Variants in RUFY3 observed in about 807,000 individuals in gnomAD.
RUFY3 encodes RUN and FYVE domain containing 3, also known as protein RUFY3.
RUFY3 carries 34 observed loss-of-function variants against 84.0 expected under a neutral mutation model. The ratio of observed to expected loss-of-function variants is 0.40; its 90% CI spans 0.31 to 0.54. RUFY3 has a LOEUF of 0.54. Among genes scored for constraint, RUFY3 ranks in the 20% least tolerant of loss-of-function variants. RUFY3 has a pLI of 0.39. For synonymous variants in RUFY3, 242 were observed against 252.9 expected (o/e 0.96, Z 0.41); for missense variants, 507 against 736.8 (o/e 0.69, Z 3.61).
chr4:70,786,753 T>TA (rs1259753716), intron 10 of RUFY3, among the ~76,000 whole-genome samples: 6 of 152,144 alleles, frequency 3.9e-5, no homozygotes, highest in Admixed American at 1.3e-4. Flanking sequence ...GCTAGTGTTA[T>TA]TATATTAATA....
rs59880902 is a variant in RUFY3, at chr4:70,722,414, CTTTT to C, written c.-149_-146del. The C allele has an allele frequency of 1.5e-5, 18 of 1,228,678 alleles. No homozygotes were observed. The highest frequency in any genetic ancestry group is 2.9e-5 in the East Asian group (1 of 34,894). 76.1% of individuals were successfully genotyped at this position (1,228,678 alleles called of 1,614,324 possible). ...GTTCTTAACCTATAAGGTATTTTTC[CTTTT>C]TTTTTTTTTTAAACCTCCCCCACCC... On this transcript the variant is annotated 5_prime_UTR_variant, in exon 1 of 18. Coordinates refer to ENST00000381006, the MANE Select transcript of RUFY3 (RefSeq NM_001037442.4).
At chr4:70,750,674 T>C (rs1481404922) in intron 1 of RUFY3, among the ~76,000 whole-genome samples, 2 of 152,174 alleles carry the variant, frequency 1.3e-5, no homozygotes, top group Admixed American at 1.3e-4. Context: ...AGAAACTCTG[T>C]ACCCATTAAT....
chr4:70,734,325 C>G (rs1428894369), intron 1 of RUFY3: 1 of 798,578 alleles, frequency 1.3e-6, no homozygotes, highest in Admixed American at 6.2e-5. Context: ...TCTTTGCTTT[C>G]ACTGTGGCAC....
At chr4:70,792,726 AG>A in intron 12 of RUFY3, 1 of 985,318 alleles carries the variant, frequency 1.0e-6, no homozygotes, top group Non-Finnish European at 1.2e-6. Flanking sequence ...TAAGAGTGTA[AG>A]ATAGATTCCA....
chr4:70,773,346 G>A (rs1284257733), intron 5 of RUFY3, among the ~76,000 whole-genome samples, 165 bp from the exon 6 acceptor site: 2 of 152,036 alleles, frequency 1.3e-5, no homozygotes, highest in African/African-American at 4.8e-5. Context: ...TCCAACTCTT[G>A]TTAATTCTTG....
At chr4:70,768,836 C>A (rs866920541) in intron 5 of RUFY3, among the ~76,000 whole-genome samples, 175 bp downstream of exon 5, 13 of 152,202 alleles carry the variant, frequency 8.5e-5, no homozygotes, top group Middle Eastern at 3.4e-3. Context: ...CAGTTTGGCT[C>A]ATTTATACGT....
chr4:70,805,588 AT>A (rs1217584912), intron 17 of RUFY3, among the ~76,000 whole-genome samples: 3 of 152,266 alleles, frequency 2.0e-5, no homozygotes, highest in African/African-American at 7.2e-5. Context: ...CTAGTCTTAA[AT>A]TCACAGAATC....
intron 1 of RUFY3, among the ~76,000 whole-genome samples, chr4:70,733,140 GAGA>G (rs1560464096): frequency 4.4e-4 from 39 of 88,366 alleles, no homozygotes; most frequent in South Asian, 1.4e-3. Context: ...GAGGGAGGGA[GAGA>G]GAGAGAGAGA....
At position 70,765,583 on chromosome 4, in the gene RUFY3, G is replaced by A. The variant is rs1578136719; in HGVS notation, c.572+1007G>A. On this transcript the variant is annotated intron_variant, in intron 4 of 17. Coordinates refer to ENST00000381006, the MANE Select transcript of RUFY3 (RefSeq NM_001037442.4). ...TATTCCACTTCTGAACAGTTCATAA[G>A]GTTAGGCTTTTGGGACAATAAACTG... 2.6e-5 allele frequency among the ~76,000 whole-genome samples: 4 copies of A among 152,226 alleles called. No individual in the cohort carries two copies. In the South Asian group the frequency reaches 8.3e-4, roughly 32 times the overall value.
In RUFY3 at chr4:70,705,002, CG is replaced by C. The variant is rs972909990; in HGVS notation, c.70del (p.Glu24SerfsTer81). ...GTTGCAGCGAGGAGCCGGCGAGGGG[CG>C]GGGAGTGGCGGCCGGAGGAGCCGCG... On this transcript the variant is annotated frameshift_variant, in exon 1 of 12. Transcript: ENST00000417478. LOFTEE classifies it high-confidence loss of function. 1 of 1,223,922 alleles carries C rather than the reference CG, an allele frequency of 8.2e-7. No homozygotes were observed. Among genetic ancestry groups the C allele is most frequent in the Non-Finnish European group, 1.0e-6 (1 of 984,876 alleles). The allele number at this position is 1,223,922 out of a possible 1,614,324, so 75.8% of individuals were successfully genotyped here. A position where few individuals can be genotyped will look rare whatever the true frequency, so the allele number is the denominator to read the frequency against.
At chr4:70,791,128 A>T in intron 12 of RUFY3, 1 of 892,310 alleles carries the variant, frequency 1.1e-6, no homozygotes, top group Non-Finnish European at 1.8e-6. Flanking sequence ...TATCTCTTTG[A>T]GTATTAAGCT....
rs1726395986 is a variant in RUFY3, at chr4:70,768,563, A to C, written c.598A>C (p.Met200Leu). 6.2e-7 allele frequency: 1 copy of C among 1,614,044 alleles called. No homozygotes were observed. The highest frequency in any genetic ancestry group is 2.2e-5 in the East Asian group (1 of 44,860). Reference protein sequence around the residue: ...LSEFYEPNALMMEEEGAIIAG... With the variant: ...LSEFYEPNALLMEEEGAIIAG... ...TGAATTCTACGAACCCAATGCCCTC[A>C]TGATGGAAGAAGAAGGAGCCATAAT... The change falls in exon 5 of 18, where the codon ATG becomes CTG. Residue 200 changes from methionine to leucine, a missense_variant. Around this residue, in one of 4 missense-constraint regions of RUFY3, gnomAD observed 133 missense variants for 301.1 expected, o/e 0.44. Coordinates refer to ENST00000381006, the MANE Select transcript of RUFY3 (RefSeq NM_001037442.4).
At chr4:70,717,873 ATTTTTTTTTTT>A (rs1165078654), upstream of RUFY3, among the ~76,000 whole-genome samples, 3 of 82,380 alleles carry the variant, frequency 3.6e-5, no homozygotes, top group South Asian at 4.2e-4. Flanking sequence ...TTGACATGGT[ATTTTTTTTTTT>A]TTTTTTTTTT....
intron 7 of RUFY3, among the ~76,000 whole-genome samples, chr4:70,775,483 A>G (rs563605098): frequency 6.6e-6 from 1 of 151,700 alleles, no homozygotes; most frequent in African/African-American, 2.4e-5. Flanking sequence ...TACGTATGTA[A>G]TTATAACTCT....
intron 3 of RUFY3, 61 bp from the exon 4 acceptor site, chr4:70,764,414 T>G (rs953142950): frequency 3.4e-5 from 38 of 1,116,924 alleles, no homozygotes; most frequent in Non-Finnish European, 4.7e-5. Flanking sequence ...GAACTGATTC[T>G]ACTGTAGCCT....
intron 1 of RUFY3, among the ~76,000 whole-genome samples, chr4:70,751,893 A>C (rs2148674215): frequency 6.6e-6 from 1 of 152,286 alleles, no homozygotes; most frequent in South Asian, 2.1e-4. Flanking sequence ...TTTTTAAAAA[A>C]TTATTTTGCA....
At chr4:70,736,950 T>C (rs1720414622) in intron 1 of RUFY3, among the ~76,000 whole-genome samples, 1 of 152,250 alleles carries the variant, frequency 6.6e-6, no homozygotes, top group Admixed American at 6.5e-5. Flanking sequence ...CCCAAGACAG[T>C]TTTAGAAAAA....
intron 12 of RUFY3, chr4:70,793,074 G>C (rs1731066931): frequency 2.1e-5 from 21 of 985,422 alleles, no homozygotes; most frequent in Non-Finnish European, 2.5e-5. Flanking sequence ...TAGGTGCAAA[G>C]TTATAAGATA....
exon 1 of RUFY3, chr4:70,704,856 G>A: frequency 2.1e-6 from 2 of 932,708 alleles, no homozygotes; most frequent in Non-Finnish European, 2.8e-6. Flanking sequence ...GGGACGGGGC[G>A]GCGGCTCCTC....
Sources: gnomAD v4.1 joint callset for allele counts (sites outside exome capture counted in the v4.1 genomes callset) on GRCh38, gnomAD v4.1.1 for gene constraint, gnomAD v4.1.1 regional missense constraint, MANE v1.5 for transcripts, NCBI Gene and HGNC (gene_info 2026-07-23, HGNC 2026-07-21) for gene names.